MROH6: variants seen among roughly 807,000 people sequenced by gnomAD.
MROH6 encodes the protein maestro heat-like repeat-containing protein family member 6.
Under a neutral mutation model 67.7 loss-of-function variants are expected in MROH6, and 62 were observed. That is an observed-to-expected ratio of 0.92 (90% confidence interval 0.75 to 1.13). The LOEUF (loss-of-function observed/expected upper bound fraction) is 1.13, where lower values mean the gene tolerates loss of function less well. Ranked by LOEUF, MROH6 falls within the 50% of genes most tolerant of loss-of-function variation. The pLI, the probability that MROH6 is intolerant of heterozygous loss-of-function variation, is 0.00. For missense variants in MROH6, 1,175 were observed against 1,029.1 expected, an observed-to-expected ratio of 1.14 and a Z score of -1.94; for synonymous variants, 566 against 470.8, an observed-to-expected ratio of 1.20 and a Z score of -2.62.
intron 11 of MROH6, 32 bp from the exon 12 acceptor site, chr8:143,567,920 AG>A: frequency 6.6e-7 from 1 of 1,509,694 alleles, no homozygotes; most frequent in South Asian, 1.3e-5. Context: ...GCAGGACAGG[AG>A]GGCTGATCCT....
chr8:143,570,963 G>A lies in MROH6; in HGVS notation c.634C>T (p.Arg212Cys), dbSNP rs370597077. The A allele has an allele frequency of 8.0e-5, 124 of 1,548,968 alleles. No individual in the cohort carries two copies. In the Middle Eastern group the frequency reaches 2.6e-3, roughly 33 times the overall value. ...VAAELWRSLSRNQRVNGQVLV... is the reference protein window; with the variant it reads ...VAAELWRSLSCNQRVNGQVLV... Reference sequence around the variant, plus strand: ...ACCTGCCCATTTACACGCTGGTTACGGCTTAGGCTGCGCCAGAGCTCGGCT... The same window carrying A: ...ACCTGCCCATTTACACGCTGGTTACAGCTTAGGCTGCGCCAGAGCTCGGCT... Residue 212 changes from arginine to cysteine, a missense_variant, in exon 4 of 14, where the codon CGT becomes TGT. Physicochemically the swap from Arg to Cys is radical, Grantham distance 180. Transcript: ENST00000398882.
intron 3 of MROH6, among the ~76,000 whole-genome samples, chr8:143,571,410 G>A (rs1298421368): frequency 3.9e-5 from 6 of 152,218 alleles, no homozygotes; most frequent in African/African-American, 1.4e-4. Context: ...CGGTCTCCAG[G>A]GGAGGCCACC....
rs751332616 is a variant in MROH6, at chr8:143,570,356, C to G, written c.930G>C (p.Ala310=). The change falls in exon 6 of 14, where the codon GCG becomes GCC. Residue 310 remains alanine (A), a synonymous_variant. Transcript: ENST00000398882. ...TGCGGCCTCCATCCCCGGTGAGCAG[C>G]GCCTTCAAGGCCTCCACAGCACAGC... ...HASCAVEALK[A]LLTGDGGRMV... 1 of 1,610,742 alleles carries G rather than the reference C, an allele frequency of 6.2e-7. No homozygotes were observed. The highest frequency in any genetic ancestry group is 8.5e-7 in the Non-Finnish European group (1 of 1,179,754).
At position 143,567,253 on chromosome 8, in the gene MROH6, G is replaced by A. The variant is rs1823662059; in HGVS notation, c.2146C>T (p.Pro716Ser). 8.2e-7 allele frequency: 1 copy of A among 1,222,024 alleles called. No homozygotes were observed. Among genetic ancestry groups the A allele is most frequent in the Non-Finnish European group, 1.0e-6 (1 of 981,544 alleles). 75.7% of individuals were successfully genotyped at this position (1,222,024 alleles called of 1,614,324 possible). ...AGCCCCGAGCCTCAGGCTCGGCGGGGTCCGGAGCAGCCCCAGCGGCCCGCG... is the reference window on the plus strand; with the variant it reads ...AGCCCCGAGCCTCAGGCTCGGCGGGATCCGGAGCAGCCCCAGCGGCCCGCG... Reference protein sequence around the residue: ...SVAGRWGCSGPRRA With the variant: ...SVAGRWGCSGSRRA Residue 716 changes from proline (P) to serine (S), a missense_variant, in exon 14 of 14, where the codon CCC (proline) becomes TCC (serine). Pro to Ser is a moderately conservative substitution (Grantham distance 74). Transcript: ENST00000398882.
rs200226654 is a variant in MROH6 at position 143,568,715 on chromosome 8, C to T, written c.1481G>A (p.Arg494Gln). 4 of 1,475,044 alleles carry T rather than the reference C, an allele frequency of 2.7e-6. No individual in the cohort carries two copies. In the African/African-American group the frequency reaches 4.2e-5, roughly 16 times the overall value. 91.4% of individuals were successfully genotyped at this position (1,475,044 alleles called of 1,614,324 possible). ...GACGGCCGAGGCGCGGATTGAGTCC[C>T]GTGTCTGCGTGGGAGGGCGCAGTCA... ...PRLPPLLDDT[R>Q]DSIRASAVGL... Residue 494 changes from arginine (R) to glutamine (Q), a missense_variant, in exon 10 of 14, where the codon CGG becomes CAG. Arg to Gln is a conservative substitution (Grantham distance 43). Transcript: ENST00000398882.
At chr8:143,572,291 G>C in intron 1 of MROH6, 106 bp from the exon 2 acceptor site, 2 of 1,533,212 alleles carry the variant, frequency 1.3e-6, no homozygotes, top group Non-Finnish European at 1.8e-6. Flanking sequence ...TTGCTCCTCT[G>C]TTGCTCACCA....
At chr8:143,568,006 C>G (rs35259289) in intron 11 of MROH6, 118 bp from the exon 12 acceptor site, 2 of 1,449,718 alleles carry the variant, frequency 1.4e-6, no homozygotes, top group African/African-American at 1.4e-5. Context: ...GTGGCATGGT[C>G]GGAGACCTTG....
Position 143,567,029 on chromosome 8 carries a change from C to A in MROH6, c.*210G>T, listed in dbSNP as rs1417750169. On this transcript the variant is annotated 3_prime_UTR_variant, in exon 14 of 14. Transcript: ENST00000398882. ...CTCCAGGGGGCTGTGAGAACAAGAG[C>A]CCTGACGGGGACAGATGGGTGCTGG... is the stretch of plus-strand genomic sequence containing the variant. 1 of 349,900 alleles carries A rather than the reference C, an allele frequency of 2.9e-6. No homozygotes were observed. 21.7% of individuals were successfully genotyped at this position (349,900 alleles called of 1,614,324 possible).
intron 2 of MROH6, 85 bp from the exon 3 acceptor site, chr8:143,571,906 C>A: frequency 6.7e-7 from 1 of 1,491,948 alleles, no homozygotes; most frequent in Non-Finnish European, 9.0e-7. Flanking sequence ...TCCACCCCCA[C>A]CCTGATCCCG....
chr8:143,570,172 T>G, intron 6 of MROH6, 71 bp downstream of exon 6: 1 of 1,559,286 alleles, frequency 6.4e-7, no homozygotes, highest in East Asian at 2.3e-5. Context: ...CCTGTCCCCC[T>G]GCCCAGCACC....
chr8:143,571,789 C>T lies in MROH6; in HGVS notation c.480G>A (p.Gln160=). 6.5e-7 allele frequency: 1 copy of T among 1,547,660 alleles called. No homozygotes were observed. The highest frequency in any genetic ancestry group is 8.7e-7 in the Non-Finnish European group (1 of 1,147,960). The change falls in exon 3 of 14, where the codon CAG becomes CAA. Residue 160 remains glutamine, a synonymous_variant. Coordinates refer to ENST00000398882, the MANE Select transcript of MROH6 (RefSeq NM_001100878.2). ...VHALVRGLLA[Q]VPSLAEGRPW... is the part of the protein sequence containing the mutation. ...GCCTCCCCTCCGCTAGGCTGGGCAC[C>T]TGCGCCAGCAGCCCACGCACCAGAG...
At chr8:143,570,429 A>AGAGAG in intron 5 of MROH6, 44 bp downstream of exon 5, 1 of 1,594,426 alleles carries the variant, frequency 6.3e-7, no homozygotes, top group Non-Finnish European at 8.6e-7. Flanking sequence ...TGAGAGGGTG[A>AGAGAG]CAGCATGCTG....
chr8:143,568,509 T>C (rs760468974), intron 10 of MROH6, 43 bp downstream of exon 10: 2 of 1,483,218 alleles, frequency 1.3e-6, no homozygotes, highest in African/African-American at 2.8e-5. Context: ...GAGTGGTGAG[T>C]GTTGGATGGC....
chr8:143,571,620 G>A (rs1357421016), intron 3 of MROH6, 47 bp downstream of exon 3: 2 of 1,549,032 alleles, frequency 1.3e-6, no homozygotes, highest in African/African-American at 1.4e-5. Context: ...AGCGGGAAGA[G>A]GGAAGGAAGC....
In MROH6 at chr8:143,567,909, G is replaced by A. The variant is rs760894169; in HGVS notation, c.1765-21C>T. On this transcript the variant is annotated intron_variant, in intron 11 of 13. Coordinates refer to ENST00000398882, the MANE Select transcript of MROH6 (RefSeq NM_001100878.2). Reference sequence around the variant, plus strand: ...TGAACCTGGGGACAAAAGGGCTAGTGGCAGGACAGGAGGGCTGATCCTGAG... The same window carrying A: ...TGAACCTGGGGACAAAAGGGCTAGTAGCAGGACAGGAGGGCTGATCCTGAG... 3 of 1,515,484 alleles carry A rather than the reference G, an allele frequency of 2.0e-6. No homozygotes were observed. In the Admixed American group the frequency reaches 6.7e-5, roughly 34 times the overall value. 93.9% of individuals were successfully genotyped at this position (1,515,484 alleles called of 1,614,324 possible). A position where few individuals can be genotyped will look rare whatever the true frequency, so the allele number is the denominator to read the frequency against.
At chr8:143,572,247 C>T in intron 1 of MROH6, 62 bp from the exon 2 acceptor site, 1 of 1,583,246 alleles carries the variant, frequency 6.3e-7, no homozygotes, top group Non-Finnish European at 8.6e-7. Flanking sequence ...CCTCCTGGTC[C>T]CTCGGCCTCC....
rs867043686 is a variant in MROH6 at position 143,572,344 on chromosome 8, C to A, written c.294+77G>T. The A allele has an allele frequency of 6.7e-6, 10 of 1,483,266 alleles. No homozygotes were observed. In the Middle Eastern group the frequency reaches 1.6e-3, roughly 238 times the overall value. 91.9% of individuals were successfully genotyped at this position (1,483,266 alleles called of 1,614,324 possible). Reference sequence around the variant, plus strand: ...CTCCCCCGGGGCCAGCACCGCCCCCCTGCCACCCCGCCTTCCACCTACCAT... The same window carrying A: ...CTCCCCCGGGGCCAGCACCGCCCCCATGCCACCCCGCCTTCCACCTACCAT... On this transcript the variant is annotated intron_variant, in intron 1 of 13. Transcript: ENST00000398882.
rs1563913388 is a variant in MROH6 at position 143,567,713 on chromosome 8, GC to G, written c.1868-38del. On this transcript the variant is annotated intron_variant, in intron 12 of 13. Transcript: ENST00000398882. Reference sequence around the variant, plus strand: ...CAGATGCATGAGTGCAGGCCCCACAGCCCCCCAGGGGGAGGCTGGCCCAGCT... The same window carrying G: ...CAGATGCATGAGTGCAGGCCCCACAGCCCCCAGGGGGAGGCTGGCCCAGCT... 8.3e-6 allele frequency: 13 copies of G among 1,573,126 alleles called. No homozygotes were observed. In the South Asian group the frequency reaches 1.3e-4, roughly 15 times the overall value.
chr8:143,570,398 G>A lies in MROH6; in HGVS notation c.906-18C>T. The stretch of plus-strand genomic sequence containing the variant: ...CAGCACAGCTGGTGGTGGGGACAGT[G>A]AGCAGGTGGGCAGTGGGAGCTGAGA... On this transcript the variant is annotated intron_variant, in intron 5 of 13. Transcript: ENST00000398882. The A allele has an allele frequency of 6.4e-7, 1 of 1,571,528 alleles. No homozygotes were observed. The highest frequency in any genetic ancestry group is 1.2e-5 in the South Asian group (1 of 85,716).
Sources: allele counts gnomAD v4.1 joint callset (sites outside exome capture counted in the v4.1 genomes callset), GRCh38; gene constraint gnomAD v4.1.1; transcripts MANE v1.5; gene names NCBI Gene and HGNC (gene_info 2026-07-23, HGNC 2026-07-21).